SLC26A4: variants seen among roughly 807,000 people sequenced by gnomAD.
SLC26A4 encodes the protein solute carrier family 26 member 4.
In SLC26A4, 93 loss-of-function variants were observed where a neutral mutation model predicts 90.4. The ratio of observed to expected loss-of-function variants is 1.03; its 90% CI spans 0.87 to 1.22. SLC26A4 has a LOEUF of 1.22. Among genes scored for constraint, SLC26A4 ranks in the 50% most tolerant of loss-of-function variants. The pLI is 0.00. For synonymous variants in SLC26A4, 393 were observed against 354.6 expected (o/e 1.11, Z -1.22); for missense variants, 1,127 against 946.2 (o/e 1.19, Z -2.51).
At position 107,694,609 on chromosome 7, in the gene SLC26A4, C is replaced by A; in HGVS notation, c.1342-12C>A. ...CCCTGAATAACACAGCCTTCTCTGT[C>A]TCTCTTGGCAGTCGGTCTTGGCAGC... On this transcript the variant is annotated splice_polypyrimidine_tract_variant and intron_variant, in intron 11 of 20. Coordinates refer to ENST00000644269, the MANE Select transcript of SLC26A4 (RefSeq NM_000441.2). 1 of 1,602,652 alleles carries A rather than the reference C, an allele frequency of 6.2e-7. No individual in the cohort carries two copies. The highest frequency in any genetic ancestry group is 8.5e-7 in the Non-Finnish European group (1 of 1,169,656).
chr7:107,689,163 A>G lies in SLC26A4; in HGVS notation c.1112A>G (p.Tyr371Cys). Residue 371 changes from tyrosine (Y) to cysteine (C), a missense_variant, in exon 9 of 21, where the codon TAT becomes TGT. Transcript: ENST00000644269. ...ATTGCAGTGTCAGTAGGAAAAGTAT[A>G]TGCCACCAAGTATGATTACACCATC... ...YAIAVSVGKV[Y>C]ATKYDYTIDG... The G allele has an allele frequency of 6.2e-7, 1 of 1,613,892 alleles. No individual in the cohort carries two copies. Among genetic ancestry groups the G allele is most frequent in the Non-Finnish European group, 8.5e-7 (1 of 1,179,824 alleles).
At chr7:107,666,078 A>T (rs1330174391) in intron 3 of SLC26A4, among the ~76,000 whole-genome samples, 2 of 152,142 alleles carry the variant, frequency 1.3e-5, no homozygotes, top group Non-Finnish European at 2.9e-5. Context: ...ACAGGTGCTG[A>T]CTTCATGGAG....
chr7:107,714,350 A>G (rs1792281165), intron 20 of SLC26A4, among the ~76,000 whole-genome samples: 2 of 152,314 alleles, frequency 1.3e-5, no homozygotes, highest in South Asian at 4.1e-4. Flanking sequence ...AATGTTGCAA[A>G]GAAAACATTC....
At chr7:107,691,035 A>G (rs1336467684) in intron 10 of SLC26A4, among the ~76,000 whole-genome samples, 1 of 151,918 alleles carries the variant, frequency 6.6e-6, no homozygotes, top group Non-Finnish European at 1.5e-5. Flanking sequence ...CCCAACACAG[A>G]AAGAACTATT....
chr7:107,689,312 C>G, intron 9 of SLC26A4, 112 bp downstream of exon 9: 1 of 1,115,638 alleles, frequency 9.0e-7, no homozygotes, highest in Admixed American at 1.7e-5. Context: ...TTTCACCAGA[C>G]CTTATTGGGT....
rs1459692167 is a variant in SLC26A4 at position 107,716,618 on chromosome 7, A to G, written c.*1172A>G. 6.6e-6 allele frequency: 1 copy of G among 152,148 alleles called. No homozygotes were observed. The highest frequency in any genetic ancestry group is 1.5e-5 in the Non-Finnish European group (1 of 68,034). 9.4% of individuals were successfully genotyped at this position (152,148 alleles called of 1,614,324 possible). A position where few individuals can be genotyped will look rare whatever the true frequency, so the allele number is the denominator to read the frequency against. On this transcript the variant is annotated 3_prime_UTR_variant, in exon 21 of 21. Coordinates refer to ENST00000644269, the MANE Select transcript of SLC26A4 (RefSeq NM_000441.2). ...ATTTATTTTTTTCCTAAGTGCCAAC[A>G]ATTTTCTAGATATTATATACAACAC...
chr7:107,671,829 T>C (rs1267437074), intron 3 of SLC26A4, among the ~76,000 whole-genome samples: 1 of 152,232 alleles, frequency 6.6e-6, no homozygotes, highest in Non-Finnish European at 1.5e-5. Flanking sequence ...CTATGGAACA[T>C]CATCGCTTAG....
intron 3 of SLC26A4, among the ~76,000 whole-genome samples, chr7:107,668,143 G>A (rs1325611697): frequency 6.6e-6 from 1 of 152,138 alleles, no homozygotes; most frequent in Admixed American, 6.5e-5. Flanking sequence ...AGTTTATCTA[G>A]CTGCTCAAAG....
At chr7:107,681,856 G>C (rs1417222904) in intron 6 of SLC26A4, among the ~76,000 whole-genome samples, 1 of 151,952 alleles carries the variant, frequency 6.6e-6, no homozygotes, top group Non-Finnish European at 1.5e-5. Flanking sequence ...AGGTTGGGCA[G>C]GAGGATTTCT....
chr7:107,683,573 A>G, intron 8 of SLC26A4, 36 bp downstream of exon 8: 1 of 1,470,840 alleles, frequency 6.8e-7, no homozygotes, highest in Non-Finnish European at 9.5e-7. Flanking sequence ...TAATACATTA[A>G]GTCAGTAAGT....
At chr7:107,708,913 G>A (rs1792105351) in intron 18 of SLC26A4, among the ~76,000 whole-genome samples, 1 of 152,170 alleles carries the variant, frequency 6.6e-6, no homozygotes, top group Non-Finnish European at 1.5e-5. Flanking sequence ...TCTCAAGGGT[G>A]TGAGTCTCTG....
chr7:107,666,703 G>C (rs1790725989), intron 3 of SLC26A4, among the ~76,000 whole-genome samples: 1 of 152,332 alleles, frequency 6.6e-6, no homozygotes, highest in African/African-American at 2.4e-5. Flanking sequence ...GGGAGGAAGA[G>C]GAAGAATTGT....
chr7:107,712,712 G>T (rs1363731758), intron 20 of SLC26A4, 90 bp downstream of exon 20: 24 of 781,476 alleles, frequency 3.1e-5, no homozygotes, highest in Non-Finnish European at 2.0e-5. Context: ...ATTAAGAACT[G>T]TCAGGGAACA....
intron 8 of SLC26A4, among the ~76,000 whole-genome samples, chr7:107,687,018 G>A (rs1310021613): frequency 6.6e-6 from 1 of 152,194 alleles, no homozygotes; most frequent in Non-Finnish European, 1.5e-5. Context: ...TGGTGCATTT[G>A]CCAAGTGTTC....
chr7:107,669,721 G>A (rs943278165), intron 3 of SLC26A4, among the ~76,000 whole-genome samples: 1 of 152,164 alleles, frequency 6.6e-6, no homozygotes, highest in African/African-American at 2.4e-5. Flanking sequence ...ATGAATGAAT[G>A]CTTATTGTAG....
intron 6 of SLC26A4, among the ~76,000 whole-genome samples, chr7:107,681,834 C>G (rs1311773631): frequency 1.3e-5 from 2 of 151,752 alleles, no homozygotes; most frequent in African/African-American, 4.8e-5. Context: ...CCTGTAACCC[C>G]AACACTTTGA....
At chr7:107,683,377 A>C in intron 7 of SLC26A4, 23 bp downstream of exon 7, 1 of 1,612,182 alleles carries the variant, frequency 6.2e-7, no homozygotes, top group Non-Finnish European at 8.5e-7. Context: ...TGTAGTTAGA[A>C]AGTTCAGCAT....
rs1791894796 is a variant in SLC26A4, at chr7:107,701,841, T to G, written c.1818T>G (p.Ser606Arg). The G allele has an allele frequency of 6.2e-7, 1 of 1,605,220 alleles. No homozygotes were observed. Among genetic ancestry groups the G allele is most frequent in the Admixed American group, 1.7e-5 (1 of 59,990 alleles). The change falls in exon 17 of 21, where the codon AGT (serine) becomes AGG (arginine). Residue 606 changes from serine to arginine, a missense_variant. Coordinates refer to ENST00000644269, the MANE Select transcript of SLC26A4 (RefSeq NM_000441.2). ...TCTTCGTTTAGAATGGCATCATAAG[T>G]GATGCTGTTTCAACAAATAATGCTT... ...QLRATKNGII[S>R]DAVSTNNAFE...
At chr7:107,670,835 C>T (rs992317493) in intron 3 of SLC26A4, among the ~76,000 whole-genome samples, 3 of 152,016 alleles carry the variant, frequency 2.0e-5, no homozygotes, top group Non-Finnish European at 4.4e-5. Context: ...AAGTATTTAA[C>T]CAAGGAAAAG....
Sources: allele counts gnomAD v4.1 joint callset (sites outside exome capture counted in the v4.1 genomes callset), GRCh38; gene constraint gnomAD v4.1.1; transcripts MANE v1.5; gene names NCBI Gene and HGNC (gene_info 2026-07-23, HGNC 2026-07-21).